The following BANP variants were observed in gnomAD, a reference collection of about 807,000 sequenced individuals.
BANP encodes the protein protein BANP.
Under a neutral mutation model 68.1 loss-of-function variants are expected in BANP, and 11 were observed. That is an observed-to-expected ratio of 0.16 (90% confidence interval 0.10 to 0.27). The LOEUF is 0.27. BANP is among the 10% of genes least tolerant of loss of function. BANP has a pLI of 1.00. For synonymous variants in BANP, 329 were observed against 303.2 expected (o/e 1.09, Z -0.88); for missense variants, 504 against 722.7 (o/e 0.70, Z 3.47).
chr16:87,971,319 A>C (rs936370765), intron 1 of BANP, among the ~76,000 whole-genome samples: 2 of 152,210 alleles, frequency 1.3e-5, no homozygotes, highest in South Asian at 4.2e-4. Flanking sequence ...GCTCTTCCCA[A>C]TGCCTCTCCA....
Position 88,035,376 on chromosome 16 carries a change from G to T in BANP, c.1254G>T (p.Gln418His). 1 of 1,611,178 alleles carries T rather than the reference G, an allele frequency of 6.2e-7. No individual in the cohort carries two copies. The highest frequency in any genetic ancestry group is 1.1e-5 in the South Asian group (1 of 90,392). The stretch of plus-strand genomic sequence containing the variant: ...AGGTGCCGCAGGGGGAGCAAGTCCA[G>T]ATCACGCAGGACAGCGAGGTGAGTC... ...IAQVPQGEQV[Q>H]ITQDSEGNLQ... The change falls in exon 10 of 14, where the codon CAG (glutamine) becomes CAT (histidine). Residue 418 changes from glutamine (Q) to histidine (H), a missense_variant. By Grantham distance (24) the Gln-to-His change is conservative (BLOSUM62 0). Coordinates refer to ENST00000682872, the MANE Select transcript of BANP (RefSeq NM_001386991.1).
chr16:87,989,738 C>T (rs1436160827), intron 4 of BANP, among the ~76,000 whole-genome samples: 2 of 129,320 alleles, frequency 1.5e-5, no homozygotes. Context: ...CGCGTGGCTG[C>T]GCGCATCCAG....
chr16:87,996,832 T>A (rs75001350), intron 4 of BANP, among the ~76,000 whole-genome samples: 2,006 of 152,374 alleles, frequency 0.013, 35 homozygotes, highest in African/African-American at 0.045. Flanking sequence ...TAATAAAACA[T>A]GGCAAACACA....
At chr16:88,050,138 C>T (rs1598870320) in intron 11 of BANP, among the ~76,000 whole-genome samples, 3 of 152,282 alleles carry the variant, frequency 2.0e-5, no homozygotes, top group Middle Eastern at 3.4e-3. Flanking sequence ...CTAAACATAG[C>T]CAAGATGCTA....
At position 88,002,970 on chromosome 16, in the gene BANP, G is replaced by A. The variant is rs1186637398; in HGVS notation, c.363-1325G>A. ...GCCTTCCCACATGCTGTGAGCCTAG[G>A]ATCCCGGGGCCACCAGTGTTCCATA... is the stretch of plus-strand genomic sequence containing the variant. On this transcript the variant is annotated intron_variant, in intron 4 of 13. Transcript: ENST00000682872. This position sits in a 1 kb window ranked among gnomAD's most constrained non-coding sequence, Gnocchi z 4.6. 6.6e-6 allele frequency among the ~76,000 whole-genome samples: 1 copy of A among 152,120 alleles called. No individual in the cohort carries two copies. Among genetic ancestry groups the A allele is most frequent in the East Asian group, 1.9e-4 (1 of 5,182 alleles).
At chr16:88,035,069 A>G (rs1598694908) in intron 9 of BANP, 1 of 501,818 alleles carries the variant, frequency 2.0e-6, no homozygotes, top group Non-Finnish European at 3.7e-6. Flanking sequence ...GGGGTTCAGC[A>G]CCATCCACAG....
chr16:87,952,952 TAGAG>T (rs1280343346), intron 1 of BANP, among the ~76,000 whole-genome samples: 1 of 152,146 alleles, frequency 6.6e-6, no homozygotes, highest in Admixed American at 6.5e-5. Flanking sequence ...GTATTTTTCG[TAGAG>T]AGGGGGTTTC....
chr16:88,008,053 G>A (rs1324508580), intron 6 of BANP, among the ~76,000 whole-genome samples: 6 of 152,106 alleles, frequency 3.9e-5, no homozygotes, highest in South Asian at 2.1e-4. Flanking sequence ...CTCCAGCCCC[G>A]GCACCCAGCT....
chr16:88,050,791 A>G (rs113746954), intron 11 of BANP, among the ~76,000 whole-genome samples: 2,997 of 152,178 alleles, frequency 0.02, 97 homozygotes, highest in African/African-American at 0.068. Flanking sequence ...AGGTTCAAGC[A>G]ATCCTCCCAC....
intron 6 of BANP, among the ~76,000 whole-genome samples, 199 bp downstream of exon 6, chr16:88,006,464 T>G (rs577580648): frequency 6.1e-5 from 9 of 148,656 alleles, no homozygotes; most frequent in African/African-American, 2.3e-4. Flanking sequence ...CTGGCCAACA[T>G]GGAGAAACCC....
Position 88,057,934 on chromosome 16 carries a change from A to C in BANP, c.1312-7333A>C, listed in dbSNP as rs182929972. Among the ~76,000 whole-genome samples the C allele has an allele frequency of 5.3e-5, 8 of 152,270 alleles. No homozygotes were observed. The highest frequency in any genetic ancestry group is 1.2e-4 in the Non-Finnish European group (8 of 68,024). ...CTGTGTTCCGACAAGCCAGGCGCCG[A>C]GGCTCGGTGTGGGCCCGTGGGCCTG... On this transcript the variant is annotated intron_variant, in intron 11 of 13. Coordinates refer to ENST00000682872, the MANE Select transcript of BANP (RefSeq NM_001386991.1). This position sits in a 1 kb window ranked among gnomAD's most constrained non-coding sequence, Gnocchi z 4.6.
At chr16:88,048,223 T>C (rs981113470) in intron 11 of BANP, among the ~76,000 whole-genome samples, 5 of 152,252 alleles carry the variant, frequency 3.3e-5, no homozygotes, top group South Asian at 4.1e-4. Context: ...TTCTGATTAA[T>C]TTGATGTGAT....
chr16:87,993,039 G>T (rs914320945), intron 4 of BANP, among the ~76,000 whole-genome samples: 2 of 152,150 alleles, frequency 1.3e-5, no homozygotes, highest in East Asian at 3.9e-4. Flanking sequence ...GCATTGGGTC[G>T]GTTATTTTGT....
chr16:88,065,469 C>A, intron 12 of BANP, 137 bp downstream of exon 12: 1 of 586,728 alleles, frequency 1.7e-6, no homozygotes, highest in Non-Finnish European at 3.0e-6. Flanking sequence ...TCAGTTGAGC[C>A]ACATCTGTGA....
chr16:88,009,508 A>G (rs2072364558), intron 6 of BANP, among the ~76,000 whole-genome samples: 1 of 152,264 alleles, frequency 6.6e-6, no homozygotes, highest in Admixed American at 6.5e-5. Context: ...CTGCAAAGAT[A>G]CCATATCATT....
intron 11 of BANP, among the ~76,000 whole-genome samples, chr16:88,039,775 T>C (rs1231191398): frequency 7.0e-6 from 1 of 143,308 alleles, no homozygotes; most frequent in African/African-American, 2.4e-5. Flanking sequence ...GCTGTCTGGA[T>C]TTCTCTGAAC....
chr16:88,052,656 C>T (rs537177284), intron 11 of BANP, among the ~76,000 whole-genome samples: 2 of 151,968 alleles, frequency 1.3e-5, no homozygotes, highest in South Asian at 4.1e-4. Context: ...CCACCATCAT[C>T]ACAACCACCC....
Position 87,957,571 on chromosome 16 carries a change from C to T in BANP, c.-69+6056C>T, listed in dbSNP as rs141687381. Among the ~76,000 whole-genome samples the T allele has an allele frequency of 4.5e-3, 679 of 152,332 alleles. 8 individuals carry two copies. The highest frequency in any genetic ancestry group is 0.015 in the African/African-American group (631 of 41,564). On this transcript the variant is annotated intron_variant, in intron 1 of 13. Coordinates refer to ENST00000682872, the MANE Select transcript of BANP (RefSeq NM_001386991.1). This position sits in a 1 kb window ranked among gnomAD's most constrained non-coding sequence, Gnocchi z 4.3. ...AAACCTTTCGCTAGTGACCAGTTAC[C>T]TTCTGTGTCTGAGAGAAGGCCGTTG... is the stretch of plus-strand genomic sequence containing the variant.
At chr16:88,019,014 C>T (rs978165654) in intron 7 of BANP, among the ~76,000 whole-genome samples, 1 of 90,268 alleles carries the variant, frequency 1.1e-5, no homozygotes, top group Non-Finnish European at 3.1e-5. Context: ...GCTGTCCTGG[C>T]CACGCTGACC....
Sources: allele counts gnomAD v4.1 joint callset (sites outside exome capture counted in the v4.1 genomes callset), GRCh38; gene constraint gnomAD v4.1.1; non-coding constraint Gnocchi (gnomAD v3.1); transcripts MANE v1.5; gene names NCBI Gene and HGNC (gene_info 2026-07-23, HGNC 2026-07-21).